LRRC17: variants seen among roughly 807,000 people sequenced by gnomAD.
LRRC17 encodes leucine rich repeat containing 17, also known as leucine-rich repeat-containing protein 17.
LRRC17 carries 33 observed loss-of-function variants against 41.5 expected under a neutral mutation model. That is an observed-to-expected ratio of 0.80 (90% CI 0.60 to 1.06). The LOEUF (loss-of-function observed/expected upper bound fraction) is 1.06. Among genes scored for constraint, LRRC17 ranks in the 50% least tolerant of loss-of-function variants. LRRC17 has a pLI of 0.00. For synonymous variants in LRRC17, 192 were observed against 197.0 expected (o/e 0.97, Z 0.21); for missense variants, 491 against 519.3 (o/e 0.95, Z 0.53).
At chr7:102,932,245 T>G (rs576185650) in intron 1 of LRRC17, among the ~76,000 whole-genome samples, 1 of 152,350 alleles carries the variant, frequency 6.6e-6, no homozygotes, top group Middle Eastern at 3.4e-3. Context: ...ACCAACCTGG[T>G]TTTTTGTGCC....
intron 1 of LRRC17, among the ~76,000 whole-genome samples, chr7:102,928,002 G>A (rs757386548): frequency 5.9e-5 from 9 of 152,234 alleles, no homozygotes; most frequent in Non-Finnish European, 1.3e-4. Context: ...CACCCTCAGA[G>A]AGGCAGCCAC....
chr7:102,913,622 A>G (rs1815212376), intron 1 of LRRC17, among the ~76,000 whole-genome samples: 1 of 152,230 alleles, frequency 6.6e-6, no homozygotes, highest in Non-Finnish European at 1.5e-5. Context: ...CAAAATATAT[A>G]AAAGGACAAA....
rs189585508 is a variant in LRRC17, at chr7:102,940,269, G to A, written c.928+684G>A. ...TCTGTTGCCAGGCTGGAGTGCAATG[G>A]TGCAATCTCGGCTCACTGCAAGCTC... On this transcript the variant is annotated intron_variant, in intron 3 of 3. Transcript: ENST00000339431. 6.2e-3 allele frequency among the ~76,000 whole-genome samples: 935 copies of A among 150,328 alleles called. 30 individuals carry two copies. Among genetic ancestry groups the A allele is most frequent in the Admixed American group, 0.057 (859 of 15,018 alleles).
chr7:102,928,938 A>G (rs1204548850), intron 1 of LRRC17, among the ~76,000 whole-genome samples: 1 of 152,236 alleles, frequency 6.6e-6, no homozygotes, highest in Non-Finnish European at 1.5e-5. Flanking sequence ...ATGTCTGTCT[A>G]TGCCTCCATT....
chr7:102,939,662 G>GTT, intron 3 of LRRC17, 77 bp downstream of exon 3: 1 of 1,248,880 alleles, frequency 8.0e-7, no homozygotes, highest in South Asian at 1.8e-5. Flanking sequence ...CTTATATACA[G>GTT]TAAATTCAGT....
At chr7:102,920,830 G>T (rs972504193) in intron 1 of LRRC17, among the ~76,000 whole-genome samples, 1 of 152,148 alleles carries the variant, frequency 6.6e-6, no homozygotes, top group African/African-American at 2.4e-5. Flanking sequence ...ACAAGCAAAA[G>T]AAAACAAAGG....
chr7:102,943,645 A>T (rs1821902602), intron 3 of LRRC17, among the ~76,000 whole-genome samples: 1 of 152,196 alleles, frequency 6.6e-6, no homozygotes, highest in African/African-American at 2.4e-5. Context: ...AACCAGGCAG[A>T]TACCACCCAT....
intron 1 of LRRC17, among the ~76,000 whole-genome samples, chr7:102,923,784 C>T (rs1458881365): frequency 2.0e-5 from 3 of 151,850 alleles, no homozygotes; most frequent in African/African-American, 7.2e-5. Context: ...AAGATTGCAC[C>T]ACTGTACTCC....
At chr7:102,942,365 A>C in intron 3 of LRRC17, 2 of 1,536,214 alleles carry the variant, frequency 1.3e-6, no homozygotes, top group Middle Eastern at 1.7e-4. Context: ...ATGCAGTGGG[A>C]GTTGCCAGAC....
intron 3 of LRRC17, among the ~76,000 whole-genome samples, chr7:102,940,132 GATCC>G (rs1245974504): frequency 6.6e-6 from 1 of 151,642 alleles, no homozygotes; most frequent in Non-Finnish European, 1.5e-5. Context: ...GACCTCAGGT[GATCC>G]GCCCACCTTG....
chr7:102,924,223 A>G (rs1368378640), intron 1 of LRRC17, among the ~76,000 whole-genome samples: 1 of 150,362 alleles, frequency 6.7e-6, no homozygotes, highest in Non-Finnish European at 1.5e-5. Context: ...GGGCAACAAG[A>G]GCAAAACTCC....
rs1248253698 is a variant in LRRC17 at position 102,941,171 on chromosome 7, T to A, written c.928+1586T>A. Among the ~76,000 whole-genome samples, 3 of 152,292 alleles carry A rather than the reference T, an allele frequency of 2.0e-5. No individual in the cohort carries two copies. In the South Asian group the frequency reaches 6.2e-4, roughly 32 times the overall value. On this transcript the variant is annotated intron_variant, in intron 3 of 3. Transcript: ENST00000339431. ...AGATGATGCTAACTTGGGAGTATGT[T>A]TGAACTGTGAAGTCAAAAGCAATTT...
rs754704804 is a variant in LRRC17, at chr7:102,934,472, G to A, written c.559G>A (p.Gly187Arg). 1.9e-6 allele frequency: 3 copies of A among 1,613,994 alleles called. No individual in the cohort carries two copies. Among genetic ancestry groups the A allele is most frequent in the Non-Finnish European group, 2.5e-6 (3 of 1,180,038 alleles). ...MLQIPRNRNL[G>R]NYAKCESPQE... ...GCAGATTCCCAGGAACCGGAATTTG[G>A]GGAACTACGCCAAGTGTGAAAGTCC... Residue 187 changes from glycine (G) to arginine (R), a missense_variant, in exon 2 of 4, where the codon GGG (glycine) becomes AGG (arginine). By Grantham distance (125) the Gly-to-Arg change is moderately radical. Coordinates refer to ENST00000339431, the MANE Select transcript of LRRC17 (RefSeq NM_001031692.3).
At position 102,915,124 on chromosome 7, in the gene LRRC17, T is replaced by TATC. The variant is rs778077563; in HGVS notation, c.-141+1979_-141+1980insATC. 8.3e-4 allele frequency among the ~76,000 whole-genome samples: 114 copies of TATC among 137,844 alleles called. 1 individual carries two copies. Among genetic ancestry groups the TATC allele is most frequent in the African/African-American group, 3.3e-3 (114 of 34,328 alleles). The allele number at this position is 137,844 out of a possible 152,430, so 90.4% of individuals were successfully genotyped here. ...ATTTGTTAAGTGGAGATTAAAATAT[T>TATC]TTTTTTTTTTTTTTTTTTACACTGA... On this transcript the variant is annotated intron_variant, in intron 1 of 3. Transcript: ENST00000339431.
chr7:102,944,437 G>C lies in LRRC17; in HGVS notation c.1156G>C (p.Gly386Arg). The change falls in exon 4 of 4, where the codon GGA (glycine) becomes CGA (arginine). Residue 386 changes from glycine to arginine, a missense_variant. Coordinates refer to ENST00000339431, the MANE Select transcript of LRRC17 (RefSeq NM_001031692.3). The part of the protein sequence containing the change: ...LECKTPEEYK[G>R]WSVGKYIRSY... The stretch of plus-strand genomic sequence containing the variant: ...ATGCAAAACGCCTGAAGAATACAAA[G>C]GATGGTCTGTGGGAAAATATATTAG... The C allele has an allele frequency of 1.2e-6, 2 of 1,613,968 alleles. No homozygotes were observed. The highest frequency in any genetic ancestry group is 1.7e-6 in the Non-Finnish European group (2 of 1,179,948).
Position 102,939,680 on chromosome 7 carries a change from T to C in LRRC17, c.928+95T>C, listed in dbSNP as rs144264874. The C allele has an allele frequency of 2.8e-6, 3 of 1,070,500 alleles. No homozygotes were observed. The African/African-American group carries it at 4.7e-5, about 17-fold the overall frequency. The allele number at this position is 1,070,500 out of a possible 1,614,324, so 66.3% of individuals were successfully genotyped here. ...ATATACAGTAAATTCAGTTTAAAAG[T>C]AACTGAACTAAATAATAAAGTACAA... On this transcript the variant is annotated intron_variant, in intron 3 of 3. Transcript: ENST00000339431.
At chr7:102,921,320 T>A (rs2129470726) in intron 1 of LRRC17, among the ~76,000 whole-genome samples, 1 of 152,348 alleles carries the variant, frequency 6.6e-6, no homozygotes, top group Non-Finnish European at 1.5e-5. Context: ...AGGCAACTAA[T>A]ATATCACTAT....
chr7:102,933,957 C>A lies in LRRC17; in HGVS notation c.44C>A (p.Ala15Glu). The A allele has an allele frequency of 6.2e-7, 1 of 1,613,318 alleles. No homozygotes were observed. Among genetic ancestry groups the A allele is most frequent in the Non-Finnish European group, 8.5e-7 (1 of 1,179,524 alleles). Residue 15 changes from alanine (A) to glutamate (E), a missense_variant, in exon 2 of 4, where the codon GCG (alanine) becomes GAG (glutamate). Ala to Glu is a moderately radical substitution (Grantham distance 107). Coordinates refer to ENST00000339431, the MANE Select transcript of LRRC17 (RefSeq NM_001031692.3). ...GTAATCTTGCTCTGCTTTTGCAAAG[C>A]GGCTGAGCTGCGCAAAGCAAGCCCA... is the stretch of plus-strand genomic sequence containing the variant. ...TIVILLCFCK[A>E]AELRKASPGS...
At chr7:102,938,690 T>G (rs1315614315) in intron 2 of LRRC17, among the ~76,000 whole-genome samples, 2 of 152,254 alleles carry the variant, frequency 1.3e-5, no homozygotes, top group Non-Finnish European at 2.9e-5. Flanking sequence ...ATTTATATAC[T>G]CTTTATCAAA....
Sources: gnomAD v4.1 joint callset for allele counts (sites outside exome capture counted in the v4.1 genomes callset) on GRCh38, gnomAD v4.1.1 for gene constraint, MANE v1.5 for transcripts, NCBI Gene and HGNC (gene_info 2026-07-23, HGNC 2026-07-21) for gene names.